PCCA: variants seen among roughly 807,000 people sequenced by gnomAD.
The protein encoded by PCCA is propionyl-CoA carboxylase subunit alpha.
PCCA carries 74 observed loss-of-function variants against 101.3 expected under a neutral mutation model. That is an observed-to-expected ratio of 0.73 (90% CI 0.61 to 0.89). The LOEUF is 0.89. Among genes scored for constraint, PCCA ranks in the 40% least tolerant of loss-of-function variants. The pLI, the probability that PCCA is intolerant of heterozygous loss-of-function variation, is 0.00. For synonymous variants in PCCA, 294 were observed against 313.6 expected (o/e 0.94, Z 0.66); for missense variants, 891 against 907.0 (o/e 0.98, Z 0.23).
At position 100,353,743 on chromosome 13, in the gene PCCA, A is replaced by G. The variant is rs72658569; in HGVS notation, c.1643+13484A>G. On this transcript the variant is annotated intron_variant, in intron 18 of 23. Transcript: ENST00000376285. Reference sequence around the variant, plus strand: ...TGAGACGAGCAGATTGTTTGAGCCCACTAGTTCGAGACCAGCCTGGGCAAC... The same window carrying G: ...TGAGACGAGCAGATTGTTTGAGCCCGCTAGTTCGAGACCAGCCTGGGCAAC... Among the ~76,000 whole-genome samples, 1,423 of 152,168 alleles carry G rather than the reference A, an allele frequency of 9.4e-3. 12 individuals carry two copies. The highest frequency in any genetic ancestry group is 0.013 in the Non-Finnish European group (914 of 68,008).
chr13:100,414,563 C>T (rs1353856634), intron 19 of PCCA, among the ~76,000 whole-genome samples: 2 of 152,116 alleles, frequency 1.3e-5, no homozygotes, highest in Non-Finnish European at 2.9e-5. Context: ...GACTTAGCAA[C>T]GTTATTAGAT....
At chr13:100,222,125 C>T (rs923610618) in intron 7 of PCCA, among the ~76,000 whole-genome samples, 2 of 152,016 alleles carry the variant, frequency 1.3e-5, no homozygotes, top group African/African-American at 2.4e-5. Flanking sequence ...CACTCCATCC[C>T]CGCCCCCTGG....
intron 2 of PCCA, among the ~76,000 whole-genome samples, chr13:100,110,979 G>A (rs1270827505): frequency 6.6e-6 from 1 of 151,350 alleles, no homozygotes; most frequent in Non-Finnish European, 1.5e-5. Flanking sequence ...TTACGGGCAT[G>A]CACCATCACG....
At chr13:100,209,558 A>G in intron 7 of PCCA, 95 bp downstream of exon 7, 1 of 900,842 alleles carries the variant, frequency 1.1e-6, no homozygotes, top group South Asian at 1.3e-5. Flanking sequence ...TTTTTGGGAT[A>G]TACACACACA....
rs1302254097 is a variant in PCCA at position 100,231,878 on chromosome 13, C to G, written c.601-3964C>G. Among the ~76,000 whole-genome samples, 3 of 152,130 alleles carry G rather than the reference C, an allele frequency of 2.0e-5. No individual in the cohort carries two copies. The East Asian group carries it at 5.8e-4, about 29-fold the overall frequency. On this transcript the variant is annotated intron_variant, in intron 7 of 23. Coordinates refer to ENST00000376285, the MANE Select transcript of PCCA (RefSeq NM_000282.4). Reference sequence around the variant, plus strand: ...TGAGTTACCATGCCCGGCTGTCTGTCCTACTTTTGAGCAGTAAATTGGTTT... The same window carrying G: ...TGAGTTACCATGCCCGGCTGTCTGTGCTACTTTTGAGCAGTAAATTGGTTT...
intron 14 of PCCA, among the ~76,000 whole-genome samples, chr13:100,305,272 CATA>C (rs2066360841): frequency 6.6e-6 from 1 of 152,106 alleles, no homozygotes; most frequent in South Asian, 2.1e-4. Context: ...CTTCTGTGAT[CATA>C]ATATTAGTAA....
Position 100,400,630 on chromosome 13 carries a change from C to CTTTTTT in PCCA, c.1747-24991_1747-24986dup, listed in dbSNP as rs1281449669. On this transcript the variant is annotated intron_variant, in intron 19 of 23. Coordinates refer to ENST00000376285, the MANE Select transcript of PCCA (RefSeq NM_000282.4). Reference sequence around the variant, plus strand: ...TGATTGATCTTAGTTCTTTTTAGTTCTTTTTTTTTTTTTTTTTGAGAGTTT... The same window carrying CTTTTTT: ...TGATTGATCTTAGTTCTTTTTAGTTCTTTTTTTTTTTTTTTTTTTTTTTGAGAGTTT... 2.2e-4 allele frequency among the ~76,000 whole-genome samples: 20 copies of CTTTTTT among 90,970 alleles called. 1 individual carries two copies. Among genetic ancestry groups the CTTTTTT allele is most frequent in the African/African-American group, 7.0e-4 (13 of 18,642 alleles). 59.7% of individuals were successfully genotyped at this position (90,970 alleles called of 152,430 possible).
At position 100,138,482 on chromosome 13, in the gene PCCA, A is replaced by T. The variant is rs368171286; in HGVS notation, c.301-16497A>T. ...TTAAAATTTTTGCTTTCAACAGTTA[A>T]ACGTATTTCAAAAGCAATGTTATCA... On this transcript the variant is annotated intron_variant, in intron 4 of 23. Coordinates refer to ENST00000376285, the MANE Select transcript of PCCA (RefSeq NM_000282.4). Among the ~76,000 whole-genome samples, 21 of 152,308 alleles carry T rather than the reference A, an allele frequency of 1.4e-4. No homozygotes were observed. In the East Asian group the frequency reaches 4.0e-3, roughly 29 times the overall value.
At chr13:100,172,678 G>C (rs967491052) in intron 6 of PCCA, among the ~76,000 whole-genome samples, 1 of 152,186 alleles carries the variant, frequency 6.6e-6, no homozygotes, top group African/African-American at 2.4e-5. Context: ...GTTGATTGTG[G>C]CCATGTTATG....
At chr13:100,184,625 C>T (rs982020099) in intron 6 of PCCA, among the ~76,000 whole-genome samples, 7 of 152,264 alleles carry the variant, frequency 4.6e-5, no homozygotes, top group Middle Eastern at 6.8e-3. Flanking sequence ...CAACTCCATT[C>T]TAAATACTCA....
chr13:100,417,857 A>C (rs59807613), intron 19 of PCCA, among the ~76,000 whole-genome samples: 14,773 of 152,112 alleles, frequency 0.097, 776 homozygotes, highest in South Asian at 0.15. Context: ...CCAAGACAGG[A>C]GGTGGGATTA....
chr13:100,227,166 G>A (rs1037001740), intron 7 of PCCA, among the ~76,000 whole-genome samples: 3 of 151,636 alleles, frequency 2.0e-5, no homozygotes, highest in South Asian at 2.1e-4. Flanking sequence ...TGGTAGAGAC[G>A]GGGTTTCACC....
At chr13:100,368,755 T>TA (rs1243272356) in intron 19 of PCCA, among the ~76,000 whole-genome samples, 181 bp downstream of exon 19, 2 of 152,200 alleles carry the variant, frequency 1.3e-5, no homozygotes, top group Non-Finnish European at 2.9e-5. Context: ...TATTAGGAAA[T>TA]ACATTTCTAG....
intron 6 of PCCA, among the ~76,000 whole-genome samples, chr13:100,169,258 A>G (rs956389156): frequency 7.0e-6 from 1 of 142,414 alleles, no homozygotes; most frequent in Non-Finnish European, 1.6e-5. Context: ...CCTGGCCAAC[A>G]TGGTGAAACC....
At chr13:100,474,193 A>C (rs1032968647) in intron 21 of PCCA, among the ~76,000 whole-genome samples, 10 of 152,196 alleles carry the variant, frequency 6.6e-5, no homozygotes, top group African/African-American at 2.4e-4. Context: ...ATAGGCCAAA[A>C]CTGTCATAAA....
intron 6 of PCCA, among the ~76,000 whole-genome samples, chr13:100,185,191 T>G (rs985014318): frequency 6.6e-6 from 1 of 152,190 alleles, no homozygotes; most frequent in African/African-American, 2.4e-5. Context: ...ATTTTCTTGC[T>G]TCTCTTTATA....
At chr13:100,303,752 A>G (rs953303870) in intron 14 of PCCA, among the ~76,000 whole-genome samples, 3 of 152,122 alleles carry the variant, frequency 2.0e-5, no homozygotes, top group African/African-American at 7.2e-5. Flanking sequence ...AAATCTGAAG[A>G]TATTATTGGA....
At chr13:100,188,451 T>G (rs1169647846) in intron 6 of PCCA, among the ~76,000 whole-genome samples, 3 of 151,990 alleles carry the variant, frequency 2.0e-5, no homozygotes, top group African/African-American at 7.3e-5. Flanking sequence ...ATTTATCTAC[T>G]CGTCAATTGA....
At chr13:100,245,959 TTCTC>T in intron 8 of PCCA, among the ~76,000 whole-genome samples, 1 of 152,322 alleles carries the variant, frequency 6.6e-6, no homozygotes, top group East Asian at 1.9e-4. Context: ...GTTGAATTGA[TTCTC>T]TCTCAACAAA....
Sources: allele counts gnomAD v4.1 joint callset (sites outside exome capture counted in the v4.1 genomes callset), GRCh38; gene constraint gnomAD v4.1.1; transcripts MANE v1.5; gene names NCBI Gene and HGNC (gene_info 2026-07-23, HGNC 2026-07-21).